LOXL1: variants seen among roughly 807,000 people sequenced by gnomAD.
The protein encoded by LOXL1 is lysyl oxidase homolog 1.
In LOXL1, 31 loss-of-function variants were observed where a neutral mutation model predicts 62.2. That is an observed-to-expected ratio of 0.50 (90% CI 0.37 to 0.67). The LOEUF is 0.67. LOXL1 is among the 30% of genes least tolerant of loss of function. The pLI, the probability that LOXL1 is intolerant of heterozygous loss-of-function variation, is 0.00. For synonymous variants in LOXL1, 403 were observed against 384.4 expected (o/e 1.05, Z -0.56); for missense variants, 775 against 843.4 (o/e 0.92, Z 1.00).
intron 5 of LOXL1, 78 bp from the exon 6 acceptor site, chr15:73,949,381 A>T: frequency 1.2e-6 from 1 of 829,750 alleles, no homozygotes; most frequent in Non-Finnish European, 2.1e-6. Flanking sequence ...CTGCCTCTTT[A>T]CCACCTTCTC....
intron 1 of LOXL1, among the ~76,000 whole-genome samples, chr15:73,940,227 C>T (rs2068704572): frequency 6.6e-6 from 1 of 151,992 alleles, no homozygotes; most frequent in Non-Finnish European, 1.5e-5. Context: ...AACAAGAGGC[C>T]CCTGCCTGAG....
In LOXL1 at chr15:73,927,709, G is replaced by C; in HGVS notation, c.926G>C (p.Trp309Ser). Residue 309 changes from tryptophan to serine, a missense_variant, in exon 1 of 7, where the codon TGG (tryptophan) becomes TCG (serine). By Grantham distance (177) the Trp-to-Ser change is radical. Coordinates refer to ENST00000261921, the MANE Select transcript of LOXL1 (RefSeq NM_005576.4). ...CATGGCGGAGACCCACGCCTGGGCT[G>C]GTACCCGCCCTACGCCAACCCGCCG... The part of the protein sequence containing the change: ...QAHGGDPRLG[W>S]YPPYANPPPE... The C allele has an allele frequency of 6.8e-7, 1 of 1,476,160 alleles. No homozygotes were observed. The highest frequency in any genetic ancestry group is 8.9e-7 in the Non-Finnish European group (1 of 1,120,698). 91.4% of individuals were successfully genotyped at this position (1,476,160 alleles called of 1,614,324 possible).
At chr15:73,947,669 C>T in intron 4 of LOXL1, 138 bp from the exon 5 acceptor site, 5 of 638,774 alleles carry the variant, frequency 7.8e-6, no homozygotes, top group South Asian at 7.7e-5. Context: ...AAGGTGTGGA[C>T]CCACCCTGAG....
In LOXL1 at chr15:73,938,744, G is replaced by A. The variant is rs547167303; in HGVS notation, c.1103-4110G>A. Among the ~76,000 whole-genome samples the A allele has an allele frequency of 7.9e-5, 12 of 152,148 alleles. No individual in the cohort carries two copies. The South Asian group carries it at 1.2e-3, about 16-fold the overall frequency. On this transcript the variant is annotated intron_variant, in intron 1 of 6. Coordinates refer to ENST00000261921, the MANE Select transcript of LOXL1 (RefSeq NM_005576.4). ...AAAAAGACCTCATTTGACTGGGTGCGGTGGTTCACGCCTGCAATCCCAGGA... is the reference window on the plus strand; with the variant it reads ...AAAAAGACCTCATTTGACTGGGTGCAGTGGTTCACGCCTGCAATCCCAGGA...
chr15:73,951,237 G>C (rs1180476471), intron 6 of LOXL1, among the ~76,000 whole-genome samples: 2 of 152,182 alleles, frequency 1.3e-5, no homozygotes, highest in East Asian at 1.9e-4. Context: ...GAGGGCTGTC[G>C]GCAGGGCAGA....
chr15:73,936,849 G>A (rs901839639), intron 1 of LOXL1, among the ~76,000 whole-genome samples: 1 of 152,264 alleles, frequency 6.6e-6, no homozygotes, highest in Non-Finnish European at 1.5e-5. Flanking sequence ...GACTGCTAAA[G>A]TATCGTCTGT....
chr15:73,938,326 G>T (rs1356425382), intron 1 of LOXL1, among the ~76,000 whole-genome samples: 3 of 101,000 alleles, frequency 3.0e-5, no homozygotes, highest in East Asian at 2.9e-4. Flanking sequence ...TAGGTAGATA[G>T]ATAGAACAGG....
Position 73,951,907 on chromosome 15 carries a change from C to A in LOXL1, c.*70C>A. ...GCCCTGCTCCCCGGGCAGCCTCCCG[C>A]CGAGGGGCCCAGCCCCCAACCCACA... On this transcript the variant is annotated 3_prime_UTR_variant, in exon 7 of 7. Transcript: ENST00000261921. 7.2e-7 allele frequency: 1 copy of A among 1,382,912 alleles called. No individual in the cohort carries two copies. The highest frequency in any genetic ancestry group is 9.5e-7 in the Non-Finnish European group (1 of 1,051,712). 85.7% of individuals were successfully genotyped at this position (1,382,912 alleles called of 1,614,324 possible).
At chr15:73,932,442 C>T (rs1404595714) in intron 1 of LOXL1, among the ~76,000 whole-genome samples, 1 of 152,140 alleles carries the variant, frequency 6.6e-6, no homozygotes, top group Non-Finnish European at 1.5e-5. Flanking sequence ...CTCATTTATT[C>T]ACTCATTCAT....
At chr15:73,939,287 T>C (rs1485247929) in intron 1 of LOXL1, among the ~76,000 whole-genome samples, 5 of 152,030 alleles carry the variant, frequency 3.3e-5, no homozygotes, top group Admixed American at 6.5e-5. Flanking sequence ...ATACCAGCTA[T>C]GGGAGGGGGT....
chr15:73,943,056 C>A, intron 2 of LOXL1, 94 bp downstream of exon 2: 1 of 970,734 alleles, frequency 1.0e-6, no homozygotes, highest in South Asian at 1.3e-5. Flanking sequence ...AGGCTGTCTG[C>A]AAGCTGATGA....
chr15:73,947,108 T>C lies in LOXL1; in HGVS notation c.1391T>C (p.Leu464Pro), dbSNP rs747052444. Residue 464 changes from leucine to proline, a missense_variant, in exon 4 of 7, where the codon CTG (leucine) becomes CCG (proline). Coordinates refer to ENST00000261921, the MANE Select transcript of LOXL1 (RefSeq NM_005576.4). ...SMDEFSHYDL[L>P]DAATGKKVAE... Reference sequence around the variant, plus strand: ...GACGAGTTCAGCCACTACGACCTACTGGATGCAGCCACAGGCAAGAAGGTG... The same window carrying C: ...GACGAGTTCAGCCACTACGACCTACCGGATGCAGCCACAGGCAAGAAGGTG... The C allele has an allele frequency of 6.2e-7, 1 of 1,613,312 alleles. No homozygotes were observed. Among genetic ancestry groups the C allele is most frequent in the Admixed American group, 1.7e-5 (1 of 59,978 alleles).
chr15:73,944,756 C>T (rs1530168), intron 2 of LOXL1, among the ~76,000 whole-genome samples: 6,572 of 152,246 alleles, frequency 0.043, 469 homozygotes, highest in African/African-American at 0.15. Flanking sequence ...TGTGCTGAGC[C>T]GAACAGAAGG....
chr15:73,939,054 A>T (rs996494202), intron 1 of LOXL1, among the ~76,000 whole-genome samples: 1 of 152,056 alleles, frequency 6.6e-6, no homozygotes, highest in Non-Finnish European at 1.5e-5. Context: ...GTTGTACCCT[A>T]CAAGCCAAAA....
chr15:73,927,293 G>A lies in LOXL1; in HGVS notation c.510G>A (p.Gln170=). 2 of 1,603,426 alleles carry A rather than the reference G, an allele frequency of 1.2e-6. No individual in the cohort carries two copies. Among genetic ancestry groups the A allele is most frequent in the Non-Finnish European group, 1.7e-6 (2 of 1,177,252 alleles). Reference sequence around the variant, plus strand: ...CCTTCGCCAGCACCTACCGCCAGCAGCCCTCCTACCCGCAGCAGTTCCCCT... The same window carrying A: ...CCTTCGCCAGCACCTACCGCCAGCAACCCTCCTACCCGCAGCAGTTCCCCT... The part of the protein sequence containing the change: ...ASAFASTYRQ[Q]PSYPQQFPYP... Residue 170 remains glutamine, a synonymous_variant, in exon 1 of 7, where the codon CAG becomes CAA. Coordinates refer to ENST00000261921, the MANE Select transcript of LOXL1 (RefSeq NM_005576.4).
intron 1 of LOXL1, among the ~76,000 whole-genome samples, chr15:73,931,725 C>T (rs1420483279): frequency 3.3e-5 from 5 of 152,216 alleles, no homozygotes; most frequent in Non-Finnish European, 7.3e-5. Flanking sequence ...GCCCCTAGCT[C>T]ACCTGGGCCT....
rs765575503 is a variant in LOXL1 at position 73,927,193 on chromosome 15, C to T, written c.410C>T (p.Thr137Met). Residue 137 changes from threonine (T) to methionine (M), a missense_variant, in exon 1 of 7, where the codon ACG (threonine) becomes ATG (methionine). By Grantham distance (81) the Thr-to-Met change is moderately conservative. Transcript: ENST00000261921. Reference protein sequence around the residue: ...NWREVAVGDSTGMARARTSVS... With the variant: ...NWREVAVGDSMGMARARTSVS... The stretch of plus-strand genomic sequence containing the variant: ...CGCGAGGTGGCCGTCGGGGACAGCA[C>T]GGGCATGGCCCGGGCCCGCACCTCC... 5.0e-5 allele frequency: 79 copies of T among 1,574,352 alleles called. No individual in the cohort carries two copies. Among genetic ancestry groups the T allele is most frequent in the Non-Finnish European group, 6.6e-5 (77 of 1,165,308 alleles).
chr15:73,944,845 C>G (rs2068737237), intron 2 of LOXL1, among the ~76,000 whole-genome samples: 2 of 152,220 alleles, frequency 1.3e-5, no homozygotes, highest in African/African-American at 2.4e-5. Context: ...CTCCCCCAGA[C>G]AAGGCTGAGG....
At chr15:73,942,549 T>G (rs551151523) in intron 1 of LOXL1, among the ~76,000 whole-genome samples, 102 of 152,138 alleles carry the variant, frequency 6.7e-4, no homozygotes, top group African/African-American at 2.3e-3. Context: ...GTGGACACCC[T>G]TTCCCGCTCT....
Sources: gnomAD v4.1 joint callset for allele counts (sites outside exome capture counted in the v4.1 genomes callset) on GRCh38, gnomAD v4.1.1 for gene constraint, MANE v1.5 for transcripts, NCBI Gene and HGNC (gene_info 2026-07-23, HGNC 2026-07-21) for gene names.